ATP10B: variants seen among roughly 807,000 people sequenced by gnomAD.
ATP10B encodes phospholipid-transporting ATPase VB.
Under a neutral mutation model 141.2 loss-of-function variants are expected in ATP10B, and 122 were observed. The ratio of observed to expected loss-of-function variants is 0.86; its 90% confidence interval spans 0.75 to 1.00. The LOEUF is 1.00. Ranked by LOEUF, ATP10B falls within the 50% of genes least tolerant of loss-of-function variation. The pLI is 0.00. For synonymous variants in ATP10B, 685 were observed against 692.0 expected (o/e 0.99, Z 0.16); for missense variants, 1,876 against 1,825.3 (o/e 1.03, Z -0.51).
At chr5:160,688,183 AC>A (rs1763881119) in intron 4 of ATP10B, 89 bp from the exon 5 acceptor site, 2 of 1,374,338 alleles carry the variant, frequency 1.5e-6, no homozygotes, top group Non-Finnish European at 1.9e-6. Context: ...CAGGGTAGAC[AC>A]TGAAAGTAGT....
intron 24 of ATP10B, among the ~76,000 whole-genome samples, chr5:160,575,527 T>C (rs1034624363): frequency 6.6e-6 from 1 of 152,178 alleles, no homozygotes; most frequent in Non-Finnish European, 1.5e-5. Context: ...CATGTGATCC[T>C]GGCAATTCAG....
intron 22 of ATP10B, 100 bp downstream of exon 22, chr5:160,598,670 C>T (rs1756899762): frequency 1.8e-6 from 2 of 1,086,380 alleles, no homozygotes; most frequent in Non-Finnish European, 2.7e-6. Context: ...ATGCAGGCTT[C>T]TGACCCCAGC....
chr5:160,859,352 CATT>C, the ATP10B span, among the ~76,000 whole-genome samples: 1 of 151,760 alleles, frequency 6.6e-6, no homozygotes, highest in African/African-American at 2.4e-5. Flanking sequence ...TAAGGTAAGC[CATT>C]ATTCTTTTTC....
chr5:160,723,776 C>T (rs770597257), intron 2 of ATP10B, among the ~76,000 whole-genome samples: 11 of 152,150 alleles, frequency 7.2e-5, no homozygotes, highest in Non-Finnish European at 1.3e-4. Flanking sequence ...CACTATATCT[C>T]CTACCTGATT....
At chr5:160,785,297 A>G (rs1771056323) in intron 2 of ATP10B, among the ~76,000 whole-genome samples, 1 of 152,066 alleles carries the variant, frequency 6.6e-6, no homozygotes, top group Admixed American at 6.6e-5. Flanking sequence ...ATATAATTTG[A>G]CAGGTCCTAT....
At chr5:160,823,015 TATATATATATATATATATATAAA>T (rs1264185985) in intron 1 of ATP10B, among the ~76,000 whole-genome samples, 1 of 117,486 alleles carries the variant, frequency 8.5e-6, no homozygotes, top group Non-Finnish European at 1.8e-5. Context: ...TATATATATA[TATATATATATATATATATATAAA>T]ATAAAGAGTG....
At position 160,670,424 on chromosome 5, in the gene ATP10B, C is replaced by G. The variant is rs758711738; in HGVS notation, c.675+39G>C. 2.5e-6 allele frequency: 4 copies of G among 1,607,144 alleles called. No homozygotes were observed. The South Asian group carries it at 3.3e-5, about 13-fold the overall frequency. On this transcript the variant is annotated intron_variant, in intron 7 of 25. Coordinates refer to ENST00000327245, the MANE Select transcript of ATP10B (RefSeq NM_025153.3). ...CCAGTAGGGTAGGCTTGCATCCTTT[C>G]TATGACTTTACCATTGAAGATATTA...
chr5:160,828,459 C>T (rs1381414438), intron 1 of ATP10B, among the ~76,000 whole-genome samples: 1 of 152,018 alleles, frequency 6.6e-6, no homozygotes. Context: ...TAAAAAAATG[C>T]TCATCATCAC....
At chr5:160,626,049 T>C (rs1368347589) in intron 13 of ATP10B, among the ~76,000 whole-genome samples, 2 of 152,242 alleles carry the variant, frequency 1.3e-5, no homozygotes, top group African/African-American at 4.8e-5. Context: ...CATGGCTCCT[T>C]TTGCTCCAGC....
intron 2 of ATP10B, among the ~76,000 whole-genome samples, chr5:160,734,791 T>C (rs1766995786): frequency 6.6e-6 from 1 of 151,926 alleles, no homozygotes; most frequent in South Asian, 2.1e-4. Context: ...TTACATTAAC[T>C]ATTGAGGAAG....
At chr5:160,896,315 TAA>T in the ATP10B span, among the ~76,000 whole-genome samples, 1 of 149,838 alleles carries the variant, frequency 6.7e-6, no homozygotes, top group African/African-American at 2.4e-5. Context: ...GCCAGATTAT[TAA>T]GAGAGAAAAA....
chr5:160,596,428 C>T (rs1219751196), intron 22 of ATP10B, among the ~76,000 whole-genome samples: 1 of 137,146 alleles, frequency 7.3e-6, no homozygotes, highest in Admixed American at 7.3e-5. Flanking sequence ...AAACCCACAG[C>T]CAATATCATA....
chr5:160,657,940 G>A (rs1235155856), intron 7 of ATP10B, among the ~76,000 whole-genome samples: 2 of 152,192 alleles, frequency 1.3e-5, no homozygotes, highest in Non-Finnish European at 2.9e-5. Context: ...CCTTAAGGGA[G>A]TATTACACAG....
chr5:160,649,310 T>C, intron 7 of ATP10B, 54 bp from the exon 8 acceptor site: 1 of 1,291,410 alleles, frequency 7.7e-7, no homozygotes, highest in Non-Finnish European at 1.1e-6. Context: ...CTAGTTTTAA[T>C]AGGATCACTG....
rs1370131126 is a variant in ATP10B at position 160,589,628 on chromosome 5, T to G, written c.3714A>C (p.Thr1238=). 2 of 1,614,012 alleles carry G rather than the reference T, an allele frequency of 1.2e-6. No individual in the cohort carries two copies. Among genetic ancestry groups the G allele is most frequent in the East Asian group, 2.2e-5 (1 of 44,872 alleles). ...GTPINTISLT[T]ILLHQAMEMK... ...TTTCCATTGCCTGGTGCAAAAGGAT[T>G]GTGGTGAGGGAGATGGTGTTGATTG... Residue 1238 remains threonine, a synonymous_variant, in exon 24 of 26, where the codon ACA becomes ACC. Transcript: ENST00000327245.
At chr5:160,699,207 G>A (rs1764542166) in intron 3 of ATP10B, among the ~76,000 whole-genome samples, 1 of 152,210 alleles carries the variant, frequency 6.6e-6, no homozygotes, top group Admixed American at 6.5e-5. Flanking sequence ...TTTCCTTTGT[G>A]AGAGACAGGT....
At chr5:160,743,205 T>C (rs1434886688) in intron 2 of ATP10B, among the ~76,000 whole-genome samples, 1 of 152,158 alleles carries the variant, frequency 6.6e-6, no homozygotes, top group Non-Finnish European at 1.5e-5. Flanking sequence ...AGTTCATGGA[T>C]GGATGAGCCA....
chr5:160,731,770 T>G lies in ATP10B; in HGVS notation c.-330-14736A>C, dbSNP rs147987165. Among the ~76,000 whole-genome samples, 481 of 152,320 alleles carry G rather than the reference T, an allele frequency of 3.2e-3. 1 individual carries two copies. Among genetic ancestry groups the G allele is most frequent in the African/African-American group, 0.011 (461 of 41,572 alleles). On this transcript the variant is annotated intron_variant, in intron 2 of 25. Transcript: ENST00000327245. The stretch of plus-strand genomic sequence containing the variant: ...AGTTCTGTCGGCCCTCATCTTTGCT[T>G]GACCCTGAATTGTCTATGCATGGAC...
At chr5:160,641,480 T>A (rs1401287648) in intron 9 of ATP10B, among the ~76,000 whole-genome samples, 2 of 152,194 alleles carry the variant, frequency 1.3e-5, no homozygotes, top group Non-Finnish European at 2.9e-5. Context: ...TCTCACCCAG[T>A]CACCTTCTTC....
Sources: gnomAD v4.1 joint callset for allele counts (sites outside exome capture counted in the v4.1 genomes callset) on GRCh38, gnomAD v4.1.1 for gene constraint, MANE v1.5 for transcripts, NCBI Gene and HGNC (gene_info 2026-07-23, HGNC 2026-07-21) for gene names.